PLCG1: variants seen among roughly 807,000 people sequenced by gnomAD.
PLCG1 encodes the protein 1-phosphatidylinositol 4,5-bisphosphate phosphodiesterase gamma-1.
A neutral mutation model predicts 177.8 loss-of-function variants in PLCG1; 71 were observed. That is an observed-to-expected ratio of 0.40 (90% CI 0.33 to 0.49). PLCG1 has a LOEUF of 0.49. PLCG1 is among the 20% of genes least tolerant of loss of function. The pLI, the probability that PLCG1 is intolerant of heterozygous loss-of-function variation, is 0.72. For synonymous variants in PLCG1, 658 were observed against 647.9 expected, an observed-to-expected ratio of 1.02 and a Z score of -0.24; for missense variants, 1,281 against 1,709.0, an observed-to-expected ratio of 0.75 and a Z score of 4.42.
chr20:41,150,303 T>A lies in PLCG1; in HGVS notation c.218-9303T>A, dbSNP rs897795000. Among the ~76,000 whole-genome samples the A allele has an allele frequency of 1.3e-5, 2 of 152,194 alleles. No individual in the cohort carries two copies. The highest frequency in any genetic ancestry group is 4.8e-5 in the African/African-American group (2 of 41,448). The stretch of plus-strand genomic sequence containing the variant: ...GCAACATAGTGAGACCCCATCTCTA[T>A]AAAATATAAAGAAAAATTTTAAAAG... On this transcript the variant is annotated intron_variant, in intron 1 of 31. Coordinates refer to ENST00000685551, the MANE Select transcript of PLCG1 (RefSeq NM_002660.3). This position sits in a 1 kb window ranked among gnomAD's most constrained non-coding sequence, Gnocchi z 4.0.
rs762379670 is a variant in PLCG1, at chr20:41,164,897, G to C, written c.1218-36G>C. On this transcript the variant is annotated intron_variant, in intron 12 of 31. Coordinates refer to ENST00000685551, the MANE Select transcript of PLCG1 (RefSeq NM_002660.3). This position sits in a 1 kb window ranked among gnomAD's most constrained non-coding sequence, Gnocchi z 6.4. ...GGCTACTTAGACCCAGAGAATTGCA[G>C]AATCTGTTTCACTGTGCTTGTCCCC... The C allele has an allele frequency of 1.9e-6, 3 of 1,595,322 alleles. No individual in the cohort carries two copies. The highest frequency in any genetic ancestry group is 2.6e-6 in the Non-Finnish European group (3 of 1,167,340).
At chr20:41,139,074 G>C (rs2034723927) in intron 1 of PLCG1, among the ~76,000 whole-genome samples, 1 of 152,194 alleles carries the variant, frequency 6.6e-6, no homozygotes, top group South Asian at 2.1e-4. Flanking sequence ...TCTTGGGTAT[G>C]GTGTGCATGT....
chr20:41,155,060 T>C (rs1016138875), intron 1 of PLCG1, among the ~76,000 whole-genome samples: 2 of 152,190 alleles, frequency 1.3e-5, no homozygotes, highest in Admixed American at 1.3e-4. Context: ...AGTCTGTCCC[T>C]GGGCTGAGAA....
rs547395337 is a variant in PLCG1 at position 41,168,361 on chromosome 20, C to T, written c.2380-406C>T. Among the ~76,000 whole-genome samples the T allele has an allele frequency of 9.0e-4, 137 of 152,350 alleles. 2 individuals carry two copies. Among genetic ancestry groups the T allele is most frequent in the African/African-American group, 2.8e-3 (115 of 41,580 alleles). On this transcript the variant is annotated intron_variant, in intron 20 of 31. Transcript: ENST00000685551. Reference sequence around the variant, plus strand: ...GGACCTGGAAGGAAGTTTTTCTTTCCACTTCACAGATGAGTGGTAGGGTCC... The same window carrying T: ...GGACCTGGAAGGAAGTTTTTCTTTCTACTTCACAGATGAGTGGTAGGGTCC...
chr20:41,144,492 C>T lies in PLCG1; in HGVS notation c.217+6634C>T, dbSNP rs777529459. Among the ~76,000 whole-genome samples the T allele has an allele frequency of 5.2e-4, 79 of 152,158 alleles. No homozygotes were observed. The highest frequency in any genetic ancestry group is 9.3e-4 in the Non-Finnish European group (63 of 68,034). On this transcript the variant is annotated intron_variant, in intron 1 of 31. Transcript: ENST00000685551. This position sits in a 1 kb window ranked among gnomAD's most constrained non-coding sequence, Gnocchi z 4.1. The stretch of plus-strand genomic sequence containing the variant: ...ACCGGTGTCGAGATGCTTGGCCCAC[C>T]CAGACCTTTCCCACACTCCTACATG...
intron 1 of PLCG1, among the ~76,000 whole-genome samples, chr20:41,143,205 C>A (rs1481231941): frequency 6.6e-6 from 1 of 152,158 alleles, no homozygotes; most frequent in Non-Finnish European, 1.5e-5. Context: ...GCTCTAATGC[C>A]ACAGCCTCGA....
intron 22 of PLCG1, 76 bp downstream of exon 22, chr20:41,169,251 C>A: frequency 2.6e-6 from 3 of 1,147,444 alleles, no homozygotes; most frequent in Middle Eastern, 1.9e-4. Flanking sequence ...CACACAGTCC[C>A]AAGCACGCAC....
In PLCG1 at chr20:41,172,912, A is replaced by AG. The variant is rs754446070; in HGVS notation, c.3279+39dup. 5.0e-6 allele frequency: 8 copies of AG among 1,603,404 alleles called. No homozygotes were observed. Among genetic ancestry groups the AG allele is most frequent in the African/African-American group, 1.3e-5 (1 of 74,668 alleles). ...GCTCATCTGGGCTTCAGGGTAGGAA[A>AG]GGGGCTGCTTGCCGTTGGAGTCTGT... On this transcript the variant is annotated intron_variant, in intron 27 of 31. Transcript: ENST00000685551. The surrounding 1 kb of genome is among the most constrained non-coding windows in gnomAD (Gnocchi z 7.0).
chr20:41,151,435 T>C lies in PLCG1; in HGVS notation c.218-8171T>C, dbSNP rs1204813466. On this transcript the variant is annotated intron_variant, in intron 1 of 31. Transcript: ENST00000685551. The surrounding 1 kb of genome is among the most constrained non-coding windows in gnomAD (Gnocchi z 5.5). Reference sequence around the variant, plus strand: ...TTTGAAGGCAGCTGCTGCACAGTAATGGGAAGGACAGTAAGCCCCACCATC... The same window carrying C: ...TTTGAAGGCAGCTGCTGCACAGTAACGGGAAGGACAGTAAGCCCCACCATC... Among the ~76,000 whole-genome samples, 1 of 152,192 alleles carries C rather than the reference T, an allele frequency of 6.6e-6. No homozygotes were observed. The highest frequency in any genetic ancestry group is 1.5e-5 in the Non-Finnish European group (1 of 68,046).
chr20:41,149,875 G>A (rs2146012866), intron 1 of PLCG1, among the ~76,000 whole-genome samples: 1 of 152,278 alleles, frequency 6.6e-6, no homozygotes, highest in Middle Eastern at 3.4e-3. Flanking sequence ...ATTGCTCTGA[G>A]GTGTCAGGAA....
chr20:41,170,055 TGGGGTGGAGG>T (rs2035842179), intron 23 of PLCG1, 47 bp from the exon 24 acceptor site: 2 of 1,475,342 alleles, frequency 1.4e-6, no homozygotes, highest in Non-Finnish European at 1.9e-6. Context: ...CGGTGTGGAG[TGGGGTGGAGG>T]GGGTGAGATG....
chr20:41,166,163 C>G lies in PLCG1; in HGVS notation c.1800-31C>G. 6.3e-7 allele frequency: 1 copy of G among 1,598,046 alleles called. No individual in the cohort carries two copies. The highest frequency in any genetic ancestry group is 8.5e-7 in the Non-Finnish European group (1 of 1,170,882). ...GTCTTTGGGGCCCTGGCCTGTTTTC[C>G]CCAGCCTCCCTCACTCTGTGTCTTC... is the stretch of plus-strand genomic sequence containing the variant. On this transcript the variant is annotated intron_variant, in intron 16 of 31. Coordinates refer to ENST00000685551, the MANE Select transcript of PLCG1 (RefSeq NM_002660.3). The surrounding 1 kb of genome is among the most constrained non-coding windows in gnomAD (Gnocchi z 8.6).
Position 41,167,996 on chromosome 20 carries a change from G to T in PLCG1, c.2379+67G>T. On this transcript the variant is annotated intron_variant, in intron 20 of 31. Coordinates refer to ENST00000685551, the MANE Select transcript of PLCG1 (RefSeq NM_002660.3). This position sits in a 1 kb window ranked among gnomAD's most constrained non-coding sequence, Gnocchi z 4.4. ...CCCAGCTGCTTGGGGCTTCATTTCT[G>T]TGTTCTGGGCCATCTGTGGTCTTTG... The T allele has an allele frequency of 9.3e-7, 1 of 1,074,180 alleles. No homozygotes were observed. Among genetic ancestry groups the T allele is most frequent in the Non-Finnish European group, 1.4e-6 (1 of 693,762 alleles). The allele number at this position is 1,074,180 out of a possible 1,614,324, so 66.5% of individuals were successfully genotyped here. A position where few individuals can be genotyped will look rare whatever the true frequency, so the allele number is the denominator to read the frequency against.
chr20:41,138,143 G>A (rs1262430331), intron 1 of PLCG1: 4 of 287,274 alleles, frequency 1.4e-5, no homozygotes, highest in Non-Finnish European at 2.6e-5. Flanking sequence ...GGAGACCTGC[G>A]GTGCAGGCAT....
chr20:41,174,566 G>C lies in PLCG1; in HGVS notation c.*57G>C, dbSNP rs370567797. On this transcript the variant is annotated 3_prime_UTR_variant, in exon 32 of 32. Transcript: ENST00000685551. The surrounding 1 kb of genome is among the most constrained non-coding windows in gnomAD (Gnocchi z 5.8). ...TGCTGTGCGCCTTGTAGAATGCCGC[G>C]AACTGGGTTCTTTGGAAGCAGCCCC... 6.7e-7 allele frequency: 1 copy of C among 1,486,646 alleles called. No individual in the cohort carries two copies. Among genetic ancestry groups the C allele is most frequent in the South Asian group, 1.2e-5 (1 of 82,918 alleles). The allele number at this position is 1,486,646 out of a possible 1,614,324, so 92.1% of individuals were successfully genotyped here.
At chr20:41,161,295 G>T (rs1490991798) in intron 4 of PLCG1, among the ~76,000 whole-genome samples, 3 of 152,162 alleles carry the variant, frequency 2.0e-5, no homozygotes, top group African/African-American at 7.2e-5. Flanking sequence ...GAGAAGAGCG[G>T]TGTCACCCTA....
At position 41,159,710 on chromosome 20, in the gene PLCG1, G is replaced by C. The variant is rs1411171198; in HGVS notation, c.322G>C (p.Val108Leu). The C allele has an allele frequency of 6.2e-7, 1 of 1,614,212 alleles. No individual in the cohort carries two copies. Among genetic ancestry groups the C allele is most frequent in the Non-Finnish European group, 8.5e-7 (1 of 1,180,044 alleles). ...AFRPDQSHCF[V>L]ILYGMEFRLK... ...CCGGCCGGACCAGTCACATTGCTTT[G>C]TCATTCTCTATGGAATGGAATTTCG... Residue 108 changes from valine to leucine, a missense_variant, in exon 2 of 32, where the codon GTC (valine) becomes CTC (leucine). Val to Leu is a conservative substitution (Grantham distance 32). This residue lies in a region of PLCG1 where 374 missense variants were observed against 443.8 expected (regional missense o/e 0.84). Transcript: ENST00000685551. The surrounding 1 kb of genome is among the most constrained non-coding windows in gnomAD (Gnocchi z 6.0).
Position 41,158,316 on chromosome 20 carries a change from C to T in PLCG1, c.218-1290C>T, listed in dbSNP as rs7265284. Reference sequence around the variant, plus strand: ...CAAATGCTGGCACTGCATCTGGCTCCGAAGTTACCAGGCCAGTCTGGGTTT... The same window carrying T: ...CAAATGCTGGCACTGCATCTGGCTCTGAAGTTACCAGGCCAGTCTGGGTTT... On this transcript the variant is annotated intron_variant, in intron 1 of 31. Transcript: ENST00000685551. 6.9e-3 allele frequency among the ~76,000 whole-genome samples: 1,044 copies of T among 152,214 alleles called. 14 individuals are homozygous for T. Among genetic ancestry groups the T allele is most frequent in the African/African-American group, 0.024 (988 of 41,514 alleles).
Position 41,157,703 on chromosome 20 carries a change from A to G in PLCG1, c.218-1903A>G, listed in dbSNP as rs1245823755. Among the ~76,000 whole-genome samples, 1 of 152,186 alleles carries G rather than the reference A, an allele frequency of 6.6e-6. No homozygotes were observed. The highest frequency in any genetic ancestry group is 1.5e-5 in the Non-Finnish European group (1 of 68,042). ...GAAGAGAAGGGAGCCGGGGAGGTGG[A>G]CATTTCCAGACTAGGAATCAAGATG... On this transcript the variant is annotated intron_variant, in intron 1 of 31. Transcript: ENST00000685551. The surrounding 1 kb of genome is among the most constrained non-coding windows in gnomAD (Gnocchi z 5.4).
Sources: allele counts gnomAD v4.1 joint callset (sites outside exome capture counted in the v4.1 genomes callset), GRCh38; gene constraint gnomAD v4.1.1; regional missense constraint gnomAD v4.1.1; non-coding constraint Gnocchi (gnomAD v3.1); transcripts MANE v1.5; gene names NCBI Gene and HGNC (gene_info 2026-07-23, HGNC 2026-07-21).